ADGRL2: variants seen among roughly 807,000 people sequenced by gnomAD.
The protein encoded by ADGRL2 is adhesion G protein-coupled receptor L2, also known as calcium-independent alpha-latrotoxin receptor 2.
In ADGRL2, 44 loss-of-function variants were observed where a neutral mutation model predicts 157.4. The observed-to-expected ratio is 0.28, with a 90% CI of 0.22 to 0.36. ADGRL2 has a LOEUF of 0.36. Ranked by LOEUF, ADGRL2 falls within the 10% of genes least tolerant of loss-of-function variation. ADGRL2 has a pLI of 1.00. For synonymous variants in ADGRL2, 585 were observed against 624.7 expected (o/e 0.94, Z 0.95); for missense variants, 1,510 against 1,768.9 (o/e 0.85, Z 2.63).
At chr1:81,423,606 C>T (rs11163285) in intron 1 of ADGRL2, among the ~76,000 whole-genome samples, 27,457 of 152,112 alleles carry the variant, frequency 0.18, 3,052 homozygotes, top group East Asian at 0.42. Flanking sequence ...TATTGTTCAG[C>T]CCATTTTTCG....
At chr1:81,552,711 G>C (rs1007030110) in intron 2 of ADGRL2, among the ~76,000 whole-genome samples, 8 of 151,560 alleles carry the variant, frequency 5.3e-5, no homozygotes, top group African/African-American at 1.5e-4. Context: ...GGTTTAAGCT[G>C]TTAATTTTCA....
chr1:81,799,303 TA>T (rs2087754501), upstream of ADGRL2, among the ~76,000 whole-genome samples: 1 of 137,428 alleles, frequency 7.3e-6, no homozygotes, highest in Admixed American at 7.1e-5. Flanking sequence ...TGTAAGTGTG[TA>T]TGTAGTTTAA....
chr1:81,463,367 G>T lies in ADGRL2; in HGVS notation c.-248+18278G>T, dbSNP rs12039591. On this transcript the variant is annotated intron_variant, in intron 2 of 24. Coordinates refer to the ADGRL2 transcript ENST00000370721. ...GCAGAAGAGTGTAGACCCTCTTCTAGACTGAATGTTTGGTACTCAGTCAGC... is the reference window on the plus strand; with the variant it reads ...GCAGAAGAGTGTAGACCCTCTTCTATACTGAATGTTTGGTACTCAGTCAGC... Among the ~76,000 whole-genome samples, 1,312 of 152,002 alleles carry T rather than the reference G, an allele frequency of 8.6e-3. 24 individuals carry two copies. The highest frequency in any genetic ancestry group is 0.045 in the East Asian group (232 of 5,118).
intron 1 of ADGRL2, chr1:81,722,396 A>G: frequency 1.2e-6 from 1 of 830,954 alleles, no homozygotes; most frequent in Non-Finnish European, 2.1e-6. Flanking sequence ...GCAGAAAGCC[A>G]TTGACTTATT....
At chr1:81,344,186 A>C (rs1385122529) in intron 1 of ADGRL2, among the ~76,000 whole-genome samples, 1 of 152,150 alleles carries the variant, frequency 6.6e-6, no homozygotes, top group Non-Finnish European at 1.5e-5. Flanking sequence ...CTCATGCCTG[A>C]GCCTCCCAAA....
intron 1 of ADGRL2, among the ~76,000 whole-genome samples, chr1:81,438,485 A>G (rs941671542): frequency 2.0e-5 from 3 of 152,202 alleles, no homozygotes; most frequent in Non-Finnish European, 4.4e-5. Context: ...TAATGGTACA[A>G]TATAGACTAT....
intron 1 of ADGRL2, among the ~76,000 whole-genome samples, chr1:81,703,000 C>T (rs971605846): frequency 6.6e-6 from 1 of 152,168 alleles, no homozygotes. Flanking sequence ...GCATGTAACC[C>T]AGTGTAGAAG....
At chr1:81,843,621 C>T (rs1334800687) in intron 2 of ADGRL2, among the ~76,000 whole-genome samples, 2 of 152,058 alleles carry the variant, frequency 1.3e-5, no homozygotes, top group African/African-American at 4.8e-5. Context: ...GTTATCTTCT[C>T]TTGCAAAAAT....
intron 3 of ADGRL2, among the ~76,000 whole-genome samples, chr1:81,631,823 C>G (rs2082016003): frequency 6.6e-6 from 1 of 152,072 alleles, no homozygotes; most frequent in African/African-American, 2.4e-5. Flanking sequence ...GGACCCCCAC[C>G]AAATCACACA....
At chr1:81,505,827 C>G (rs2078963516) in intron 2 of ADGRL2, among the ~76,000 whole-genome samples, 1 of 149,618 alleles carries the variant, frequency 6.7e-6, no homozygotes, top group South Asian at 2.1e-4. Flanking sequence ...CACGTTTTTA[C>G]TTTCTGATAT....
In ADGRL2 at chr1:81,445,428, T is replaced by C. The variant is rs560523842; in HGVS notation, c.-248+339T>C. Among the ~76,000 whole-genome samples the C allele has an allele frequency of 4.9e-5, 7 of 143,154 alleles. No homozygotes were observed. In the South Asian group the frequency reaches 1.6e-3, roughly 33 times the overall value. The allele number at this position is 143,154 out of a possible 152,430, so 93.9% of individuals were successfully genotyped here. ...GGACATCACAAATCACATAGGCAAATAGAGATCAGTTAAAGTTGCTATTTT... is the reference window on the plus strand; with the variant it reads ...GGACATCACAAATCACATAGGCAAACAGAGATCAGTTAAAGTTGCTATTTT... On this transcript the variant is annotated intron_variant, in intron 2 of 24. Transcript: ENST00000370721.
At chr1:81,352,375 C>T (rs562502482) in intron 1 of ADGRL2, among the ~76,000 whole-genome samples, 8 of 152,268 alleles carry the variant, frequency 5.3e-5, no homozygotes, top group Middle Eastern at 3.4e-3. Context: ...GCAAAATACC[C>T]CCACCTGATG....
intron 2 of ADGRL2, among the ~76,000 whole-genome samples, chr1:81,449,755 C>T (rs955125286): frequency 2.0e-5 from 3 of 152,078 alleles, no homozygotes; most frequent in Non-Finnish European, 4.4e-5. Context: ...GCATGTACCA[C>T]CATTTTTGTA....
chr1:81,949,096 A>G (rs550632228), intron 6 of ADGRL2, among the ~76,000 whole-genome samples: 1 of 152,306 alleles, frequency 6.6e-6, no homozygotes, highest in African/African-American at 2.4e-5. Flanking sequence ...TTTTATTAAG[A>G]TGATTTGAAA....
intron 1 of ADGRL2, among the ~76,000 whole-genome samples, chr1:81,421,228 A>C (rs1180483324): frequency 2.0e-5 from 3 of 152,192 alleles, no homozygotes; most frequent in Non-Finnish European, 2.9e-5. Context: ...TCCACCTAAT[A>C]CCTTAGGTTT....
At chr1:81,436,105 A>G (rs183242098) in intron 1 of ADGRL2, among the ~76,000 whole-genome samples, 3 of 152,314 alleles carry the variant, frequency 2.0e-5, no homozygotes, top group Non-Finnish European at 4.4e-5. Context: ...CAAAAAAATA[A>G]AAAAGAATCA....
intron 2 of ADGRL2, among the ~76,000 whole-genome samples, chr1:81,859,198 C>T (rs1401102538): frequency 6.6e-5 from 10 of 152,090 alleles, no homozygotes; most frequent in Admixed American, 6.5e-4. Flanking sequence ...TATTTTAAAA[C>T]ATTTGCCAAT....
rs1172106247 is a variant in ADGRL2, at chr1:81,624,878, G to A, written c.-143+43898G>A. Among the ~76,000 whole-genome samples the A allele has an allele frequency of 3.3e-5, 5 of 152,262 alleles. No individual in the cohort carries two copies. The East Asian group carries it at 7.7e-4, about 24-fold the overall frequency. On this transcript the variant is annotated intron_variant, in intron 3 of 24. Transcript: ENST00000370721. ...GAAGAGGCTGAATGAGACAAGCATT[G>A]AGTTGCTGTGCAGCTCTATTATTTT...
intron 2 of ADGRL2, among the ~76,000 whole-genome samples, chr1:81,789,730 A>T (rs1287453360): frequency 6.6e-6 from 1 of 151,842 alleles, no homozygotes; most frequent in Non-Finnish European, 1.5e-5. Flanking sequence ...AAGAAATGTA[A>T]AACAGGAATG....
Sources: allele counts gnomAD v4.1 joint callset (sites outside exome capture counted in the v4.1 genomes callset), GRCh38; gene constraint gnomAD v4.1.1; transcripts MANE v1.5; gene names NCBI Gene and HGNC (gene_info 2026-07-23, HGNC 2026-07-21).